The following ZNF536 variants were observed in gnomAD, a reference collection of about 807,000 sequenced individuals.
ZNF536 encodes the protein zinc finger protein 536.
ZNF536 carries 13 observed loss-of-function variants against 84.5 expected under a neutral mutation model. That is an observed-to-expected ratio of 0.15 (90% CI 0.10 to 0.24). The LOEUF (loss-of-function observed/expected upper bound fraction) is 0.24. Among genes scored for constraint, ZNF536 ranks in the 10% least tolerant of loss-of-function variants. The pLI is 1.00. For synonymous variants in ZNF536, 811 were observed against 742.5 expected, an observed-to-expected ratio of 1.09 and a Z score of -1.50; for missense variants, 1,536 against 1,747.5, an observed-to-expected ratio of 0.88 and a Z score of 2.16.
intron 2 of ZNF536, among the ~76,000 whole-genome samples, chr19:30,332,655 C>A (rs1600255056): frequency 1.3e-5 from 2 of 152,156 alleles, no homozygotes; most frequent in East Asian, 3.9e-4. Flanking sequence ...TGTAATTATC[C>A]AAATTATTTA....
intron 1 of ZNF536, among the ~76,000 whole-genome samples, chr19:30,634,934 T>G (rs2049011441): frequency 6.6e-6 from 1 of 152,146 alleles, no homozygotes; most frequent in Non-Finnish European, 1.5e-5. Context: ...TGACCAAAAG[T>G]GTCACCACTG....
chr19:30,709,014 G>C (rs554148342), intron 1 of ZNF536, among the ~76,000 whole-genome samples: 54 of 152,146 alleles, frequency 3.5e-4, no homozygotes, highest in Non-Finnish European at 6.5e-4. Context: ...GCACATGAGA[G>C]CTTCCAGGAA....
chr19:30,261,310 A>AG lies in ZNF536; in HGVS notation c.-189-22762_-189-22761insG, dbSNP rs2025205652. ...GAGACTCCGTCTCAAAAAAAAAAAA[A>AG]AAAAAAAAAAAAGAAAAATATAACT... On this transcript the variant is annotated intron_variant, in intron 1 of 5. Coordinates refer to the ZNF536 transcript ENST00000585628. Among the ~76,000 whole-genome samples, 2 of 150,368 alleles carry AG rather than the reference A, an allele frequency of 1.3e-5. 1 individual carries two copies. The highest frequency in any genetic ancestry group is 4.2e-4 in the South Asian group (2 of 4,790).
intron 2 of ZNF536, among the ~76,000 whole-genome samples, chr19:30,471,469 G>C (rs768297678): frequency 2.4e-4 from 37 of 152,332 alleles, no homozygotes; most frequent in Non-Finnish European, 5.0e-4. Flanking sequence ...GGGGCTCCTG[G>C]GTGACGTGCA....
At chr19:30,527,219 C>CTTTTTTTTT (rs56404227) in intron 2 of ZNF536, among the ~76,000 whole-genome samples, 2 of 106,172 alleles carry the variant, frequency 1.9e-5, no homozygotes, top group African/African-American at 7.8e-5. Context: ...ACCCAGCCTC[C>CTTTTTTTTT]TTTTTTTTTT....
intron 1 of ZNF536, among the ~76,000 whole-genome samples, chr19:30,418,080 A>T (rs2050807578): frequency 6.6e-6 from 1 of 151,256 alleles, no homozygotes; most frequent in Admixed American, 6.6e-5. Flanking sequence ...TATTTTCATG[A>T]TCTTATTTTT....
chr19:30,616,176 G>A (rs2048287818), intron 1 of ZNF536, among the ~76,000 whole-genome samples: 1 of 151,946 alleles, frequency 6.6e-6, no homozygotes, highest in Admixed American at 6.6e-5. Flanking sequence ...CATGCTTCTT[G>A]CTCCTTTTCC....
intron 1 of ZNF536, among the ~76,000 whole-genome samples, chr19:30,564,735 A>G (rs1411598367): frequency 6.6e-6 from 1 of 152,182 alleles, no homozygotes; most frequent in Non-Finnish European, 1.5e-5. Context: ...TTACAAGATA[A>G]TGGTCCATTG....
At chr19:30,663,125 G>A (rs2050186153) in intron 1 of ZNF536, among the ~76,000 whole-genome samples, 1 of 151,922 alleles carries the variant, frequency 6.6e-6, no homozygotes. Context: ...TTTAAACAGT[G>A]GGCATTCTTT....
intron 1 of ZNF536, among the ~76,000 whole-genome samples, chr19:30,647,904 A>C (rs1272341814): frequency 1.3e-5 from 2 of 152,170 alleles, no homozygotes; most frequent in African/African-American, 4.8e-5. Flanking sequence ...ACCTGGCCCC[A>C]TCTCCGGGTT....
chr19:30,635,822 G>C (rs2049044537), intron 1 of ZNF536, among the ~76,000 whole-genome samples: 1 of 152,228 alleles, frequency 6.6e-6, no homozygotes, highest in Non-Finnish European at 1.5e-5. Context: ...CTTGGATGGG[G>C]TTTCCAAACA....
downstream of ZNF536, among the ~76,000 whole-genome samples, chr19:30,562,332 T>C (rs1005536333): frequency 2.0e-5 from 3 of 152,176 alleles, no homozygotes; most frequent in Non-Finnish European, 1.5e-5. Flanking sequence ...GGCTTTCTAT[T>C]TGGGCAAGGC....
intron 1 of ZNF536, among the ~76,000 whole-genome samples, chr19:30,587,426 G>A (rs781147409): frequency 7.2e-5 from 11 of 152,142 alleles, no homozygotes; most frequent in Non-Finnish European, 1.2e-4. Flanking sequence ...CATTCTCCGA[G>A]CCACTTAATT....
At chr19:30,292,311 T>C (rs1423504571) in intron 2 of ZNF536, among the ~76,000 whole-genome samples, 1 of 148,428 alleles carries the variant, frequency 6.7e-6, no homozygotes, top group East Asian at 2.1e-4. Flanking sequence ...TTGCTGTTTC[T>C]AGGGAACTGT....
At chr19:30,681,658 T>C (rs956590086) in intron 1 of ZNF536, among the ~76,000 whole-genome samples, 4 of 152,162 alleles carry the variant, frequency 2.6e-5, no homozygotes, top group Non-Finnish European at 4.4e-5. Flanking sequence ...TCTCCTATTG[T>C]CATAATTTGG....
chr19:30,315,706 A>G (rs1184970733), intron 2 of ZNF536, among the ~76,000 whole-genome samples: 1 of 152,200 alleles, frequency 6.6e-6, no homozygotes, highest in Non-Finnish European at 1.5e-5. Context: ...CTACTTCCAA[A>G]TCCTTCTCCC....
At chr19:30,257,066 A>G (rs1196007898) in intron 1 of ZNF536, among the ~76,000 whole-genome samples, 2 of 152,180 alleles carry the variant, frequency 1.3e-5, no homozygotes, top group Non-Finnish European at 2.9e-5. Flanking sequence ...TATAGCTTAT[A>G]TGTCTTCATT....
chr19:30,384,134 T>C (rs1402466927), intron 1 of ZNF536, among the ~76,000 whole-genome samples: 4 of 60,144 alleles, frequency 6.7e-5, no homozygotes, highest in African/African-American at 2.4e-4. Context: ...CTTTCTTTCT[T>C]TCTTTCTTTC....
intron 1 of ZNF536, among the ~76,000 whole-genome samples, chr19:30,414,479 T>A (rs77177957): frequency 0.011 from 1,733 of 152,346 alleles, 12 homozygotes; most frequent in Non-Finnish European, 0.016. Context: ...TTGTTTCATT[T>A]TTTTTCTTTT....
Sources: gnomAD v4.1 joint callset for allele counts (sites outside exome capture counted in the v4.1 genomes callset) on GRCh38, gnomAD v4.1.1 for gene constraint, MANE v1.5 for transcripts, NCBI Gene and HGNC (gene_info 2026-07-23, HGNC 2026-07-21) for gene names.